KCNIP4: variants seen among roughly 807,000 people sequenced by gnomAD.
KCNIP4 encodes the protein Kv channel-interacting protein 4.
A neutral mutation model predicts 34.0 loss-of-function variants in KCNIP4; 12 were observed. The ratio of observed to expected loss-of-function variants is 0.35; its 90% CI spans 0.23 to 0.57. The LOEUF is 0.57. Ranked by LOEUF, KCNIP4 falls within the 20% of genes least tolerant of loss-of-function variation. The pLI, the probability that KCNIP4 is intolerant of heterozygous loss-of-function variation, is 0.83. For missense variants in KCNIP4, 238 were observed against 311.7 expected (o/e 0.76, Z 1.78); for synonymous variants, 124 against 102.2 (o/e 1.21, Z -1.29).
At chr4:21,856,642 C>T (rs1370923276) in intron 1 of KCNIP4, among the ~76,000 whole-genome samples, 1 of 151,984 alleles carries the variant, frequency 6.6e-6, no homozygotes, top group Non-Finnish European at 1.5e-5. Context: ...CCCCACCTTC[C>T]CGGGCACACC....
At chr4:21,600,352 A>G (rs1336801804) in intron 1 of KCNIP4, among the ~76,000 whole-genome samples, 4 of 152,214 alleles carry the variant, frequency 2.6e-5, no homozygotes, top group African/African-American at 9.6e-5. Flanking sequence ...GTATAGAACT[A>G]AAGTTTTACT....
intron 3 of KCNIP4, among the ~76,000 whole-genome samples, chr4:20,818,677 T>C (rs1716728251): frequency 6.6e-6 from 1 of 152,158 alleles, no homozygotes; most frequent in Non-Finnish European, 1.5e-5. Context: ...CTAGCTTTTC[T>C]GCAAATTATA....
intron 1 of KCNIP4, among the ~76,000 whole-genome samples, chr4:21,551,730 T>G (rs1348091109): frequency 6.6e-6 from 1 of 152,110 alleles, no homozygotes; most frequent in Non-Finnish European, 1.5e-5. Context: ...TAGTATCCAC[T>G]GGATCTTTAG....
chr4:21,118,483 G>A (rs1480652986), intron 1 of KCNIP4, among the ~76,000 whole-genome samples: 3 of 152,318 alleles, frequency 2.0e-5, no homozygotes, highest in East Asian at 3.9e-4. Context: ...CACTCCTGAA[G>A]CCTTCCCATT....
chr4:20,773,878 A>C (rs1007430908), intron 3 of KCNIP4, among the ~76,000 whole-genome samples: 3 of 152,136 alleles, frequency 2.0e-5, no homozygotes, highest in African/African-American at 7.2e-5. Flanking sequence ...GGCCACCTTT[A>C]ATTTAGTCAC....
intron 1 of KCNIP4, among the ~76,000 whole-genome samples, chr4:21,371,515 A>G (rs747813579): frequency 1.4e-5 from 2 of 146,846 alleles, no homozygotes; most frequent in Non-Finnish European, 2.9e-5. Flanking sequence ...ATGATCCCTA[A>G]TTTCTTGCTA....
intron 5 of KCNIP4, among the ~76,000 whole-genome samples, chr4:20,743,021 C>G (rs887027401): frequency 1.0e-5 from 1 of 99,096 alleles, no homozygotes; most frequent in African/African-American, 4.9e-5. Flanking sequence ...TGTGAAGGAC[C>G]CTTATAAGGG....
At chr4:20,998,512 A>G (rs1170915704) in intron 1 of KCNIP4, among the ~76,000 whole-genome samples, 2 of 152,232 alleles carry the variant, frequency 1.3e-5, no homozygotes, top group African/African-American at 2.4e-5. Flanking sequence ...AAACTTCCAT[A>G]AGGCAACTAG....
chr4:21,087,830 T>G (rs1035223454), intron 1 of KCNIP4, among the ~76,000 whole-genome samples: 12 of 152,174 alleles, frequency 7.9e-5, no homozygotes, highest in African/African-American at 2.9e-4. Context: ...TATTCTTCTT[T>G]TCTCTCCAGC....
chr4:21,038,459 G>A (rs1741658130), intron 1 of KCNIP4, among the ~76,000 whole-genome samples: 1 of 152,120 alleles, frequency 6.6e-6, no homozygotes, highest in South Asian at 2.1e-4. Flanking sequence ...ACAGTCTCAT[G>A]AGGCTGTGAC....
chr4:20,969,527 T>C (rs1734711805), intron 1 of KCNIP4, among the ~76,000 whole-genome samples: 1 of 151,292 alleles, frequency 6.6e-6, no homozygotes, highest in Non-Finnish European at 1.5e-5. Context: ...GTGTGTCCCT[T>C]TTGACATGCA....
intron 1 of KCNIP4, among the ~76,000 whole-genome samples, chr4:21,539,297 G>C (rs1737479475): frequency 1.3e-5 from 2 of 152,248 alleles, no homozygotes; most frequent in African/African-American, 4.8e-5. Context: ...AAGTTTTCTA[G>C]TTCCACCCTT....
At chr4:21,240,380 A>G (rs1390268480) in intron 1 of KCNIP4, among the ~76,000 whole-genome samples, 2 of 152,074 alleles carry the variant, frequency 1.3e-5, no homozygotes, top group African/African-American at 4.8e-5. Context: ...TATAATAATA[A>G]TAAAATGAAA....
intron 2 of KCNIP4, among the ~76,000 whole-genome samples, chr4:20,879,501 T>G (rs1724444180): frequency 6.6e-6 from 1 of 152,204 alleles, no homozygotes; most frequent in Non-Finnish European, 1.5e-5. Flanking sequence ...CACAGTAGTT[T>G]GGGACTTAGA....
intron 1 of KCNIP4, among the ~76,000 whole-genome samples, chr4:21,031,689 C>T (rs556818644): frequency 6.6e-6 from 1 of 152,266 alleles, no homozygotes; most frequent in Non-Finnish European, 1.5e-5. Context: ...CTTCAGTTTC[C>T]TCAAATGGAA....
intron 1 of KCNIP4, among the ~76,000 whole-genome samples, chr4:21,747,196 G>C (rs1186025354): frequency 6.6e-6 from 1 of 152,036 alleles, no homozygotes; most frequent in African/African-American, 2.4e-5. Flanking sequence ...ACCCATTTAT[G>C]CCCCAGAAAT....
At chr4:21,547,505 A>G (rs1327874342) in intron 1 of KCNIP4, among the ~76,000 whole-genome samples, 1 of 152,108 alleles carries the variant, frequency 6.6e-6, no homozygotes, top group African/African-American at 2.4e-5. Context: ...ATTGCTCACA[A>G]TGAAATGTAA....
At chr4:20,905,763 G>T (rs530994149) in intron 1 of KCNIP4, among the ~76,000 whole-genome samples, 2 of 151,246 alleles carry the variant, frequency 1.3e-5, no homozygotes, top group African/African-American at 4.9e-5. Context: ...GTCGTGATCC[G>T]CCCGCCTTGG....
intron 4 of KCNIP4, among the ~76,000 whole-genome samples, chr4:20,756,676 A>C (rs1276390720): frequency 2.0e-5 from 3 of 151,924 alleles, no homozygotes; most frequent in African/African-American, 7.2e-5. Context: ...CATCCAGGGC[A>C]CTTGGGCTGT....
Sources: gnomAD v4.1 joint callset for allele counts (sites outside exome capture counted in the v4.1 genomes callset) on GRCh38, gnomAD v4.1.1 for gene constraint, MANE v1.5 for transcripts, NCBI Gene and HGNC (gene_info 2026-07-23, HGNC 2026-07-21) for gene names.